GAS2: variants seen among roughly 807,000 people sequenced by gnomAD.
GAS2 encodes growth arrest specific 2.
GAS2 carries 20 observed loss-of-function variants against 37.5 expected under a neutral mutation model. The ratio of observed to expected loss-of-function variants is 0.53; its 90% CI spans 0.37 to 0.77. The LOEUF (loss-of-function observed/expected upper bound fraction) is 0.77, where lower values mean the gene tolerates loss of function less well. Among genes scored for constraint, GAS2 ranks in the 30% least tolerant of loss-of-function variants. The pLI is 0.00. For synonymous variants in GAS2, 144 were observed against 132.2 expected (o/e 1.09, Z -0.61); for missense variants, 336 against 373.4 (o/e 0.90, Z 0.82).
chr11:22,741,281 G>C (rs1444692230), intron 5 of GAS2, among the ~76,000 whole-genome samples: 4 of 150,352 alleles, frequency 2.7e-5, no homozygotes, highest in African/African-American at 9.8e-5. Flanking sequence ...AAAAATATCA[G>C]TTTCTGAATA....
At chr11:22,789,323 C>A (rs868171199) in intron 7 of GAS2, among the ~76,000 whole-genome samples, 1 of 111,684 alleles carries the variant, frequency 9.0e-6, no homozygotes, top group Non-Finnish European at 1.9e-5. Context: ...CACACACACA[C>A]ACACACACAA....
At chr11:22,781,136 A>G (rs1443285921) in intron 7 of GAS2, among the ~76,000 whole-genome samples, 1 of 152,168 alleles carries the variant, frequency 6.6e-6, no homozygotes, top group East Asian at 1.9e-4. Context: ...GAAGTTGCAG[A>G]GTGGCAGAGT....
chr11:22,725,236 G>T (rs1852144471), intron 3 of GAS2, among the ~76,000 whole-genome samples: 1 of 151,956 alleles, frequency 6.6e-6, no homozygotes, highest in Non-Finnish European at 1.5e-5. Flanking sequence ...TTACGAGATG[G>T]TTAACAGAAA....
intron 7 of GAS2, among the ~76,000 whole-genome samples, chr11:22,777,960 A>C (rs1855348821): frequency 6.6e-6 from 1 of 152,222 alleles, no homozygotes; most frequent in Non-Finnish European, 1.5e-5. Flanking sequence ...TGCATTCACA[A>C]AAATGGTAGA....
At chr11:22,778,925 AGGAAT>A (rs1855403636) in intron 7 of GAS2, among the ~76,000 whole-genome samples, 1 of 152,146 alleles carries the variant, frequency 6.6e-6, no homozygotes, top group East Asian at 1.9e-4. Flanking sequence ...GTAAATGAGA[AGGAAT>A]GGAAACAGAG....
chr11:22,654,727 A>T (rs562166990), intron 1 of GAS2, among the ~76,000 whole-genome samples: 2 of 152,304 alleles, frequency 1.3e-5, no homozygotes, highest in Non-Finnish European at 2.9e-5. Flanking sequence ...GACATGCAAG[A>T]ACTCATAGGT....
intron 3 of GAS2, among the ~76,000 whole-genome samples, chr11:22,693,662 T>A (rs1850359984): frequency 6.6e-6 from 1 of 152,180 alleles, no homozygotes; most frequent in Admixed American, 6.5e-5. Flanking sequence ...CATCTAATGT[T>A]TGCAAAAGTG....
At chr11:22,739,868 C>T (rs369722793) in intron 5 of GAS2, among the ~76,000 whole-genome samples, 15 of 151,858 alleles carry the variant, frequency 9.9e-5, no homozygotes, top group African/African-American at 2.7e-4. Context: ...AGTAAAGAGA[C>T]GGGGTTATAC....
chr11:22,676,860 T>C (rs929313564), intron 2 of GAS2, among the ~76,000 whole-genome samples: 2 of 152,230 alleles, frequency 1.3e-5, no homozygotes, highest in Non-Finnish European at 2.9e-5. Context: ...AGTGTCTTAT[T>C]GCACTGTGTC....
chr11:22,795,351 G>T (rs1009655035), intron 7 of GAS2, among the ~76,000 whole-genome samples: 1 of 152,102 alleles, frequency 6.6e-6, no homozygotes, highest in African/African-American at 2.4e-5. Context: ...ATGGTAGAGA[G>T]TGGTAAATGC....
At chr11:22,677,653 A>G (rs1849490846) in intron 2 of GAS2, among the ~76,000 whole-genome samples, 1 of 152,168 alleles carries the variant, frequency 6.6e-6, no homozygotes, top group Non-Finnish European at 1.5e-5. Context: ...GCCTCAAAGA[A>G]TAGAGAGTCA....
At chr11:22,747,555 TTTAC>T (rs949983212) in intron 5 of GAS2, among the ~76,000 whole-genome samples, 4 of 152,274 alleles carry the variant, frequency 2.6e-5, no homozygotes, top group Non-Finnish European at 4.4e-5. Context: ...AGCACCCCTC[TTTAC>T]TATCTGAATT....
At chr11:22,785,796 G>A (rs1399350609) in intron 7 of GAS2, among the ~76,000 whole-genome samples, 1 of 152,046 alleles carries the variant, frequency 6.6e-6, no homozygotes, top group Non-Finnish European at 1.5e-5. Context: ...AGTCTATAAG[G>A]GAGTATAGGA....
At chr11:22,694,624 A>G (rs1850408870) in intron 3 of GAS2, among the ~76,000 whole-genome samples, 1 of 152,152 alleles carries the variant, frequency 6.6e-6, no homozygotes, top group Non-Finnish European at 1.5e-5. Context: ...ATACCAAGTG[A>G]TTCCTGGCTT....
At chr11:22,676,077 A>G (rs7117792) in intron 2 of GAS2, among the ~76,000 whole-genome samples, 84,469 of 151,892 alleles carry the variant, frequency 0.56, 26,063 homozygotes, top group East Asian at 0.76. Flanking sequence ...GTGTGCACAC[A>G]ATTTTGGCAA....
chr11:22,706,166 C>A (rs1224118051), intron 3 of GAS2, among the ~76,000 whole-genome samples: 1 of 152,058 alleles, frequency 6.6e-6, no homozygotes, highest in African/African-American at 2.4e-5. Flanking sequence ...GCATGATAGA[C>A]TCCTTTAAAA....
rs78659977 is a variant in GAS2, at chr11:22,734,243, C to A, written c.410-3462C>A. On this transcript the variant is annotated intron_variant, in intron 4 of 7. Coordinates refer to ENST00000454584, the MANE Select transcript of GAS2 (RefSeq NM_001143830.3). Reference sequence around the variant, plus strand: ...ATTAAAGGCAAGGTATTTGGTGTTTCAAAAACTGACATATGTCCTAATGCA... The same window carrying A: ...ATTAAAGGCAAGGTATTTGGTGTTTAAAAAACTGACATATGTCCTAATGCA... Among the ~76,000 whole-genome samples, 1,086 of 151,734 alleles carry A rather than the reference C, an allele frequency of 7.2e-3. 21 individuals are homozygous for A. Among genetic ancestry groups the A allele is most frequent in the African/African-American group, 0.025 (1,029 of 41,490 alleles).
intron 3 of GAS2, among the ~76,000 whole-genome samples, chr11:22,710,449 A>G (rs1033104941): frequency 6.6e-6 from 1 of 151,854 alleles, no homozygotes; most frequent in South Asian, 2.1e-4. Flanking sequence ...TTTGTTGGAA[A>G]TGAAAAATTC....
chr11:22,649,720 A>G (rs1261969333), intron 1 of GAS2, among the ~76,000 whole-genome samples: 1 of 152,152 alleles, frequency 6.6e-6, no homozygotes, highest in Non-Finnish European at 1.5e-5. Context: ...TGTTTGTAGT[A>G]TTCTCTGACG....
Sources: allele counts gnomAD v4.1 joint callset (sites outside exome capture counted in the v4.1 genomes callset), GRCh38; gene constraint gnomAD v4.1.1; transcripts MANE v1.5; gene names NCBI Gene and HGNC (gene_info 2026-07-23, HGNC 2026-07-21).